Variants in CASP8 observed in about 807,000 individuals in gnomAD.
CASP8 encodes the protein caspase-8.
A neutral mutation model predicts 46.3 loss-of-function variants in CASP8; 24 were observed. The observed-to-expected ratio is 0.52, with a 90% CI of 0.38 to 0.73. CASP8 has a LOEUF of 0.73. CASP8 is among the 30% of genes least tolerant of loss of function. The probability of loss-of-function intolerance (pLI) is 0.00; values close to 1 mark genes in which losing one functional copy is unlikely to be tolerated. For missense variants in CASP8, 460 were observed against 559.0 expected (o/e 0.82, Z 1.79); for synonymous variants, 188 against 200.4 (o/e 0.94, Z 0.52).
chr2:201,270,908 C>T (rs1948200901), intron 2 of CASP8, among the ~76,000 whole-genome samples: 1 of 152,080 alleles, frequency 6.6e-6, no homozygotes, highest in South Asian at 2.1e-4. Flanking sequence ...TGAGGATGCT[C>T]AGGCAATGCT....
chr2:201,268,117 G>A (rs1420628610), intron 2 of CASP8, among the ~76,000 whole-genome samples: 1 of 151,936 alleles, frequency 6.6e-6, no homozygotes, highest in Non-Finnish European at 1.5e-5. Flanking sequence ...GTAGGACGGA[G>A]TTCCACCATG....
intron 2 of CASP8, among the ~76,000 whole-genome samples, chr2:201,252,794 TATCAC>T (rs1229857003): frequency 6.6e-6 from 1 of 152,228 alleles, no homozygotes; most frequent in Non-Finnish European, 1.5e-5. Context: ...TACGTGGTGT[TATCAC>T]TAACAGTTTT....
chr2:201,238,515 C>T (rs1946154585), intron 2 of CASP8, among the ~76,000 whole-genome samples: 1 of 151,714 alleles, frequency 6.6e-6, no homozygotes, highest in Non-Finnish European at 1.5e-5. Context: ...AATCTTGGCT[C>T]ACTGCAACCT....
At chr2:201,264,982 G>T (rs1576297314) in intron 1 of CASP8, among the ~76,000 whole-genome samples, 1 of 152,182 alleles carries the variant, frequency 6.6e-6, no homozygotes, top group Admixed American at 6.5e-5. Flanking sequence ...ATCGCAGTGG[G>T]GTGGGAGTAG....
chr2:201,252,910 G>A (rs1050771996), intron 2 of CASP8, among the ~76,000 whole-genome samples: 1 of 152,172 alleles, frequency 6.6e-6, no homozygotes, highest in Non-Finnish European at 1.5e-5. Context: ...GAAAAAAAAG[G>A]AATTTTCTTT....
At chr2:201,285,393 A>G (rs1949509450) in intron 8 of CASP8, 76 bp downstream of exon 8, 1 of 1,519,402 alleles carries the variant, frequency 6.6e-7, no homozygotes, top group African/African-American at 1.4e-5. Flanking sequence ...CTATCTACTC[A>G]TATTCAGAGC....
intron 7 of CASP8, 133 bp downstream of exon 7, chr2:201,277,101 G>A (rs951540617): frequency 5.7e-6 from 4 of 698,740 alleles, no homozygotes; most frequent in Admixed American, 2.5e-5. Context: ...ATTTCCCTGT[G>A]GAGGTAAAGA....
chr2:201,258,628 C>T (rs1308779767), upstream of CASP8, among the ~76,000 whole-genome samples: 2 of 152,226 alleles, frequency 1.3e-5, no homozygotes, highest in Admixed American at 6.5e-5. Flanking sequence ...GTCCTCCAAG[C>T]TTCCCTGCCG....
upstream of CASP8, chr2:201,258,290 G>C: frequency 6.2e-7 from 1 of 1,614,074 alleles, no homozygotes; most frequent in Non-Finnish European, 8.5e-7. Context: ...TTCTTCCTGG[G>C]AGCCTTTCCC....
At chr2:201,249,192 T>G (rs1946664748) in intron 2 of CASP8, among the ~76,000 whole-genome samples, 1 of 152,182 alleles carries the variant, frequency 6.6e-6, no homozygotes, top group Non-Finnish European at 1.5e-5. Flanking sequence ...CACGCCCTGG[T>G]CAATTGCTTC....
chr2:201,241,558 A>G lies in CASP8; in HGVS notation c.-27+7446A>G, dbSNP rs181529637. 3.3e-5 allele frequency: 5 copies of G among 152,360 alleles called. No individual in the cohort carries two copies. The East Asian group carries it at 9.6e-4, about 29-fold the overall frequency. The allele number at this position is 152,360 out of a possible 1,614,324, so 9.4% of individuals were successfully genotyped here. A position where few individuals can be genotyped will look rare whatever the true frequency, so the allele number is the denominator to read the frequency against. The stretch of plus-strand genomic sequence containing the variant: ...AATGTGGAGGTTTAGTCAATAATCA[A>G]AAATGTTCCCCAAACGAAGAAGTCC... On this transcript the variant is annotated intron_variant, in intron 2 of 6. Transcript: ENST00000264274.
In CASP8 at chr2:201,267,307, TC is replaced by T. The variant is rs547004790; in HGVS notation, c.305+521del. Among the ~76,000 whole-genome samples, 23 of 152,068 alleles carry T rather than the reference TC, an allele frequency of 1.5e-4. No individual in the cohort carries two copies. In the South Asian group the frequency reaches 4.6e-3, roughly 30 times the overall value. The stretch of plus-strand genomic sequence containing the variant: ...AGCATCATGGCTTCCCACCCTGAAA[TC>T]CCCCTCCCACCTGCTTGCGGATGGC... On this transcript the variant is annotated intron_variant, in intron 2 of 8. Transcript: ENST00000673742.
intron 1 of CASP8, among the ~76,000 whole-genome samples, chr2:201,264,708 T>C (rs1947671345): frequency 1.3e-5 from 2 of 152,130 alleles, no homozygotes; most frequent in South Asian, 4.1e-4. Context: ...AGTTTGCTCC[T>C]GTAGTCTCAG....
chr2:201,253,253 T>G (rs567992740), intron 2 of CASP8, among the ~76,000 whole-genome samples: 1 of 147,348 alleles, frequency 6.8e-6, no homozygotes, highest in Non-Finnish European at 1.5e-5. Flanking sequence ...CCTCTCAAAG[T>G]GCTAGGATTA....
Position 201,253,198 on chromosome 2 carries a change from A to G in CASP8, c.-26-13263A>G, listed in dbSNP as rs977061480. On this transcript the variant is annotated intron_variant, in intron 2 of 6. Transcript: ENST00000264274. ...TTTTGGTAAAGACAGTATGTTGCCC[A>G]GGCTGATCTTAAACTCCTGAGCTCA... 4.7e-5 allele frequency among the ~76,000 whole-genome samples: 7 copies of G among 149,748 alleles called. No individual in the cohort carries two copies. The East Asian group carries it at 5.9e-4, about 13-fold the overall frequency.
chr2:201,272,884 C>G lies in CASP8; in HGVS notation c.551-14C>G, dbSNP rs780637629. The G allele has an allele frequency of 6.2e-6, 10 of 1,614,034 alleles. No individual in the cohort carries two copies. Among genetic ancestry groups the G allele is most frequent in the Non-Finnish European group, 7.6e-6 (9 of 1,179,942 alleles). ...CTAATCAAATATTGTTTGGGGTTTCCCCTTTTAATTCAGAGAGAAGCAGCA... is the reference window on the plus strand; with the variant it reads ...CTAATCAAATATTGTTTGGGGTTTCGCCTTTTAATTCAGAGAGAAGCAGCA... On this transcript the variant is annotated splice_polypyrimidine_tract_variant and intron_variant, in intron 4 of 8. Transcript: ENST00000673742. The surrounding 1 kb of genome is among the most constrained non-coding windows in gnomAD (Gnocchi z 4.4).
chr2:201,259,347 A>T (rs1037954867), upstream of CASP8, among the ~76,000 whole-genome samples: 15 of 151,722 alleles, frequency 9.9e-5, no homozygotes, highest in African/African-American at 3.6e-4. Flanking sequence ...TAATTAAAAA[A>T]TTTTTCTTCA....
chr2:201,271,751 T>C, intron 3 of CASP8, 130 bp downstream of exon 3: 1 of 711,338 alleles, frequency 1.4e-6, no homozygotes. Flanking sequence ...AAGAAGAAAG[T>C]TGTCAGCACG....
At chr2:201,274,983 T>C (rs1559360918) in intron 6 of CASP8, 30 bp downstream of exon 6, 2 of 1,486,818 alleles carry the variant, frequency 1.3e-6, no homozygotes, top group Non-Finnish European at 9.4e-7. Context: ...TCCTTTTTTT[T>C]ACATTACAGA....
Sources: gnomAD v4.1 joint callset for allele counts (sites outside exome capture counted in the v4.1 genomes callset) on GRCh38, gnomAD v4.1.1 for gene constraint, Gnocchi (gnomAD v3.1) non-coding constraint, MANE v1.5 for transcripts, NCBI Gene and HGNC (gene_info 2026-07-23, HGNC 2026-07-21) for gene names.